The following TSPAN1 variants were observed in gnomAD, a reference collection of about 807,000 sequenced individuals.
TSPAN1 encodes tetraspanin 1.
Under a neutral mutation model 26.9 loss-of-function variants are expected in TSPAN1, and 23 were observed. That is an observed-to-expected ratio of 0.85 (90% CI 0.62 to 1.21). TSPAN1 has a LOEUF of 1.21. Among genes scored for constraint, TSPAN1 ranks in the 50% most tolerant of loss-of-function variants. The pLI, the probability that TSPAN1 is intolerant of heterozygous loss-of-function variation, is 0.00. For missense variants in TSPAN1, 283 were observed against 298.4 expected (o/e 0.95, Z 0.38); for synonymous variants, 115 against 114.8 (o/e 1.00, Z -0.01).
At chr1:46,183,148 C>A (rs1657350606) in intron 3 of TSPAN1, among the ~76,000 whole-genome samples, 1 of 152,114 alleles carries the variant, frequency 6.6e-6, no homozygotes, top group Non-Finnish European at 1.5e-5. Context: ...CTGGAGGAAG[C>A]AATAGGATTC....
At chr1:46,195,500 T>G in the TSPAN1 span, 1 of 423,728 alleles carries the variant, frequency 2.4e-6, no homozygotes, top group Non-Finnish European at 4.4e-6. Context: ...CAAGTTATCA[T>G]TTACTAGCAT....
At chr1:46,182,303 G>GGAAAAAAAAAAAAAAAAAAAAAA (rs1557664937) in intron 3 of TSPAN1, among the ~76,000 whole-genome samples, 1 of 2,414 alleles carries the variant, frequency 4.1e-4, no homozygotes, top group African/African-American at 4.5e-4. Context: ...TTAGGGATAA[G>GGAAAAAAAAAAAAAAAAAAAAAA]CAAAAAAAAA....
chr1:46,184,861 T>C lies in TSPAN1; in HGVS notation c.416T>C (p.Val139Ala). 1 of 1,614,180 alleles carries C rather than the reference T, an allele frequency of 6.2e-7. No individual in the cohort carries two copies. The highest frequency in any genetic ancestry group is 2.2e-5 in the East Asian group (1 of 44,882). The change falls in exon 6 of 9, where the codon GTG becomes GCG. Residue 139 changes from valine to alanine, a missense_variant. Transcript: ENST00000372003. ...DYGSQEDFTQ[V>A]WNTTMKGLKC... The stretch of plus-strand genomic sequence containing the variant: ...GGTTCCCAGGAAGACTTCACTCAAG[T>C]GTGGAACACCACCATGAAAGGGGTA...
Position 46,185,533 on chromosome 1 carries a change from A to G in TSPAN1, c.726A>G (p.Ter242=). The change falls in exon 9 of 9, where the codon TAA becomes TAG. Residue 242 remains the stop codon, a stop_retained_variant. Transcript: ENST00000372003. ...VSMYLYCNLQ[*] is the part of the protein sequence containing the mutation. Reference sequence around the variant, plus strand: ...TGTATCTGTACTGCAATCTACAATAAGTCCACTTCTGCCTCTGCCACTACT... The same window carrying G: ...TGTATCTGTACTGCAATCTACAATAGGTCCACTTCTGCCTCTGCCACTACT... 1 of 1,614,194 alleles carries G rather than the reference A, an allele frequency of 6.2e-7. No homozygotes were observed. The highest frequency in any genetic ancestry group is 8.5e-7 in the Non-Finnish European group (1 of 1,180,034).
In TSPAN1 at chr1:46,184,286, G is replaced by A. The variant is rs764953321; in HGVS notation, c.153G>A (p.Met51Ile). 6.8e-6 allele frequency: 11 copies of A among 1,614,210 alleles called. No homozygotes were observed. The highest frequency in any genetic ancestry group is 4.2e-6 in the Non-Finnish European group (5 of 1,180,046). Reference sequence around the variant, plus strand: ...TCGGGCCACTGTCGTCCAGTGCCATGCAGTTTGTCAACGTGGGCTACTTCC... The same window carrying A: ...TCGGGCCACTGTCGTCCAGTGCCATACAGTTTGTCAACGTGGGCTACTTCC... ...KIFGPLSSSAMQFVNVGYFLI... is the reference protein window; with the variant it reads ...KIFGPLSSSAIQFVNVGYFLI... Residue 51 changes from methionine to isoleucine, a missense_variant, in exon 4 of 9, where the codon ATG (methionine) becomes ATA (isoleucine). Coordinates refer to ENST00000372003, the MANE Select transcript of TSPAN1 (RefSeq NM_005727.4).
chr1:46,179,884 A>ACT (rs1241955823), intron 1 of TSPAN1, among the ~76,000 whole-genome samples: 2 of 152,148 alleles, frequency 1.3e-5, no homozygotes, highest in Non-Finnish European at 1.5e-5. Context: ...ACTATTTGCT[A>ACT]CTCGCAGGAG....
chr1:46,191,238 G>A, the TSPAN1 span: 4 of 265,320 alleles, frequency 1.5e-5, no homozygotes, highest in African/African-American at 8.9e-5. Flanking sequence ...TCGCGTATTA[G>A]TCAGCCTCTG....
At chr1:46,176,128 G>C (rs1032921840) in intron 1 of TSPAN1, 98 of 1,347,632 alleles carry the variant, frequency 7.3e-5, no homozygotes, top group Non-Finnish European at 9.5e-5. Context: ...GCCCGCCTTG[G>C]CCTCCCAAAG....
the TSPAN1 span, chr1:46,195,671 T>C: frequency 1.2e-6 from 1 of 807,582 alleles, no homozygotes. Context: ...TTAATACAAA[T>C]GTTAAGGCTG....
At chr1:46,188,799 G>C, downstream of TSPAN1, 1 of 1,612,924 alleles carries the variant, frequency 6.2e-7, no homozygotes, top group East Asian at 2.2e-5. Flanking sequence ...GAGTGAGTCT[G>C]TGTCAGCATG....
rs373094844 is a variant in TSPAN1, at chr1:46,178,475, G to C, written c.-141-2051G>C. 4.6e-4 allele frequency among the ~76,000 whole-genome samples: 70 copies of C among 150,748 alleles called. 1 individual carries two copies. The South Asian group carries it at 0.014, about 31-fold the overall frequency. On this transcript the variant is annotated intron_variant, in intron 1 of 8. Transcript: ENST00000372003. Reference sequence around the variant, plus strand: ...CTTCATCCTCCTTTCTGTTTGTGGAGGACTCTGTGGCACCCTTAGTACCAC... The same window carrying C: ...CTTCATCCTCCTTTCTGTTTGTGGACGACTCTGTGGCACCCTTAGTACCAC...
intron 1 of TSPAN1, among the ~76,000 whole-genome samples, chr1:46,177,741 T>C (rs1036744507): frequency 2.0e-5 from 3 of 152,230 alleles, no homozygotes; most frequent in Non-Finnish European, 4.4e-5. Flanking sequence ...TTTCTGCTCA[T>C]GTCCATGAAT....
At chr1:46,175,872 G>GTTTTTTTTTTTTTTTTTTT (rs34832129) in intron 1 of TSPAN1, 1 of 300,598 alleles carries the variant, frequency 3.3e-6, no homozygotes, top group Non-Finnish European at 6.0e-6. Flanking sequence ...ACTGGCTCTG[G>GTTTTTTTTTTTTTTTTTTT]TTTTTTTTTT....
chr1:46,192,080 T>A, the TSPAN1 span: 2 of 1,611,128 alleles, frequency 1.2e-6, no homozygotes. Context: ...TGTGCCCTGC[T>A]CCCTGCCTCC....
the TSPAN1 span, chr1:46,195,035 T>C: frequency 7.6e-7 from 1 of 1,316,728 alleles, no homozygotes; most frequent in Non-Finnish European, 1.1e-6. Context: ...GCACGAACTA[T>C]GTAGCAACCT....
the TSPAN1 span, chr1:46,194,938 C>T: frequency 1.2e-6 from 2 of 1,614,150 alleles, no homozygotes; most frequent in Non-Finnish European, 8.5e-7. Context: ...TGGCTGTGTC[C>T]TTGAGGTGGA....
At chr1:46,181,352 C>G (rs1417470046) in intron 3 of TSPAN1, among the ~76,000 whole-genome samples, 188 bp downstream of exon 3, 1 of 152,140 alleles carries the variant, frequency 6.6e-6, no homozygotes, top group East Asian at 1.9e-4. Flanking sequence ...GCCAGGCTGC[C>G]ATACAGGTGC....
At chr1:46,190,475 G>T, downstream of TSPAN1, 1 of 1,598,554 alleles carries the variant, frequency 6.3e-7, no homozygotes, top group South Asian at 1.1e-5. Context: ...GGCCATACCT[G>T]AGCAGCCTGT....
the TSPAN1 span, chr1:46,192,800 C>T: frequency 3.1e-6 from 5 of 1,594,026 alleles, no homozygotes; most frequent in South Asian, 3.3e-5. Context: ...TTCGCCCCCA[C>T]TTGTGAGCTC....
Sources: gnomAD v4.1 joint callset for allele counts (sites outside exome capture counted in the v4.1 genomes callset) on GRCh38, gnomAD v4.1.1 for gene constraint, MANE v1.5 for transcripts, NCBI Gene and HGNC (gene_info 2026-07-23, HGNC 2026-07-21) for gene names.